Variants in NPLOC4 observed in about 807,000 individuals in gnomAD.
NPLOC4 encodes the protein nuclear protein localization protein 4 homolog.
A neutral mutation model predicts 80.6 loss-of-function variants in NPLOC4; 18 were observed. The observed-to-expected ratio is 0.22, with a 90% confidence interval of 0.15 to 0.33. The LOEUF (loss-of-function observed/expected upper bound fraction) is 0.33. NPLOC4 is among the 10% of genes least tolerant of loss of function. The probability of loss-of-function intolerance (pLI) is 1.00; values close to 1 mark genes in which losing one functional copy is unlikely to be tolerated. For synonymous variants in NPLOC4, 313 were observed against 301.5 expected, an observed-to-expected ratio of 1.04 and a Z score of -0.39; for missense variants, 540 against 786.1, an observed-to-expected ratio of 0.69 and a Z score of 3.74.
At chr17:81,600,458 T>C (rs766510328) in intron 8 of NPLOC4, 31 bp from the exon 9 acceptor site, 1 of 1,562,780 alleles carries the variant, frequency 6.4e-7, no homozygotes, top group Admixed American at 1.7e-5. Context: ...AAGATGGACT[T>C]AGAGCAGAGG....
At chr17:81,623,816 C>T (rs904587183) in intron 2 of NPLOC4, among the ~76,000 whole-genome samples, 1 of 151,626 alleles carries the variant, frequency 6.6e-6, no homozygotes, top group Non-Finnish European at 1.5e-5. Context: ...AAACAAAACT[C>T]AATTCCAATT....
chr17:81,624,199 T>C (rs2035739214), intron 2 of NPLOC4, among the ~76,000 whole-genome samples: 1 of 152,012 alleles, frequency 6.6e-6, no homozygotes, highest in Admixed American at 6.6e-5. Context: ...GGTGGGCGGA[T>C]CACGAGGTCA....
chr17:81,563,941 T>C (rs62073395), intron 16 of NPLOC4: 1 of 454,390 alleles, frequency 2.2e-6, no homozygotes, highest in Non-Finnish European at 4.4e-6. Flanking sequence ...CAACGCCAGG[T>C]GTGGTGGTAC....
intron 4 of NPLOC4, 70 bp from the exon 5 acceptor site, chr17:81,610,328 A>G (rs2035308782): frequency 3.6e-6 from 5 of 1,382,540 alleles, no homozygotes; most frequent in South Asian, 1.2e-5. Flanking sequence ...GCTGTCTCAC[A>G]TGCACGTCCT....
At position 81,558,169 on chromosome 17, in the gene NPLOC4, A is replaced by G. The variant is rs1403951204; in HGVS notation, c.*1090T>C. Reference sequence around the variant, plus strand: ...CACCACGTGCTGTTCCAGATCGCCCAGTCTCCCTCTATTGGTACACTATCA... The same window carrying G: ...CACCACGTGCTGTTCCAGATCGCCCGGTCTCCCTCTATTGGTACACTATCA... On this transcript the variant is annotated 3_prime_UTR_variant, in exon 17 of 17. Transcript: ENST00000331134. 6.6e-6 allele frequency: 1 copy of G among 152,448 alleles called. No individual in the cohort carries two copies. Among genetic ancestry groups the G allele is most frequent in the Non-Finnish European group, 1.5e-5 (1 of 68,194 alleles). 9.4% of individuals were successfully genotyped at this position (152,448 alleles called of 1,614,324 possible). A position where few individuals can be genotyped will look rare whatever the true frequency, so the allele number is the denominator to read the frequency against.
intron 4 of NPLOC4, chr17:81,612,809 A>G (rs1262078351): frequency 1.3e-5 from 2 of 152,642 alleles, no homozygotes; most frequent in Non-Finnish European, 2.9e-5. Context: ...ATCTTCTGCA[A>G]GTGAAATGCT....
chr17:81,587,956 T>G (rs566114500), intron 12 of NPLOC4: 2 of 152,312 alleles, frequency 1.3e-5, no homozygotes, highest in South Asian at 4.1e-4. Flanking sequence ...ATTACAGGCA[T>G]GAGCCGCCGC....
intron 1 of NPLOC4, among the ~76,000 whole-genome samples, chr17:81,634,217 T>A (rs571590876): frequency 4.6e-5 from 7 of 152,240 alleles, no homozygotes; most frequent in Non-Finnish European, 4.4e-5. Flanking sequence ...TCGGCCAGGC[T>A]GGTCTCAACT....
intron 3 of NPLOC4, among the ~76,000 whole-genome samples, chr17:81,615,359 C>T (rs564457127): frequency 4.5e-4 from 68 of 152,186 alleles, no homozygotes; most frequent in South Asian, 1.2e-3. Context: ...CTCGGCCTCC[C>T]AAAGTGCTAG....
chr17:81,618,162 G>A (rs907129542), intron 3 of NPLOC4, among the ~76,000 whole-genome samples: 1 of 151,048 alleles, frequency 6.6e-6, no homozygotes, highest in African/African-American at 2.4e-5. Context: ...TGCCCAGTCT[G>A]GAAAGTGAGG....
chr17:81,613,538 T>A, intron 3 of NPLOC4, 44 bp from the exon 4 acceptor site: 1 of 1,560,922 alleles, frequency 6.4e-7, no homozygotes, highest in Non-Finnish European at 8.7e-7. Flanking sequence ...CCTTACCACC[T>A]GAGCTTCATG....
intron 3 of NPLOC4, among the ~76,000 whole-genome samples, chr17:81,617,902 G>A (rs569192923): frequency 4.6e-4 from 70 of 152,320 alleles, no homozygotes; most frequent in African/African-American, 1.6e-3. Context: ...CAAGTGATCC[G>A]CCAGCCTCGG....
At position 81,567,440 on chromosome 17, in the gene NPLOC4, T is replaced by C. The variant is rs1426733116; in HGVS notation, c.1543A>G (p.Thr515Ala). 11 of 1,612,538 alleles carry C rather than the reference T, an allele frequency of 6.8e-6. No homozygotes were observed. Among genetic ancestry groups the C allele is most frequent in the East Asian group, 2.2e-5 (1 of 44,870 alleles). ...SDFHLLLFLV[T>A]NEVMPLQDSI... Reference sequence around the variant, plus strand: ...ACCTGCAGAGGCATAACTTCATTGGTGACCAGGAACAGCAAGAGGTGGAAA... The same window carrying C: ...ACCTGCAGAGGCATAACTTCATTGGCGACCAGGAACAGCAAGAGGTGGAAA... The change falls in exon 15 of 17, where the codon ACC becomes GCC. Residue 515 changes from threonine (T) to alanine (A), a missense_variant. By Grantham distance (58) the Thr-to-Ala change is moderately conservative (BLOSUM62 0). Transcript: ENST00000331134. The surrounding 1 kb of genome is among the most constrained non-coding windows in gnomAD (Gnocchi z 4.5).
chr17:81,596,043 A>C, intron 11 of NPLOC4, 73 bp downstream of exon 11: 2 of 1,475,122 alleles, frequency 1.4e-6, no homozygotes, highest in South Asian at 2.5e-5. Context: ...TAAGGATAAA[A>C]AGCTACCAAA....
intron 8 of NPLOC4, among the ~76,000 whole-genome samples, chr17:81,603,014 C>CACACACACACAT (rs386627318): frequency 5.7e-5 from 8 of 141,086 alleles, no homozygotes; most frequent in Middle Eastern, 3.7e-3. Flanking sequence ...CACACACACA[C>CACACACACACAT]ATATAAAAGT....
chr17:81,610,339 A>G (rs2035309044), intron 4 of NPLOC4, 81 bp from the exon 5 acceptor site: 5 of 1,275,046 alleles, frequency 3.9e-6, no homozygotes, highest in Non-Finnish European at 1.1e-6. Context: ...TGCACGTCCT[A>G]CTTTAACAGA....
intron 4 of NPLOC4, chr17:81,613,094 G>T (rs1598667678): frequency 2.3e-6 from 1 of 434,090 alleles, no homozygotes; most frequent in Non-Finnish European, 3.9e-6. Context: ...TTTTTTATGG[G>T]AACATATTTT....
chr17:81,633,266 A>G (rs1438704595), intron 1 of NPLOC4, among the ~76,000 whole-genome samples: 4 of 152,198 alleles, frequency 2.6e-5, no homozygotes, highest in African/African-American at 4.8e-5. Context: ...ATTTGTTTCT[A>G]AAATCTGTCT....
chr17:81,636,668 C>T (rs923117713), intron 1 of NPLOC4, among the ~76,000 whole-genome samples: 2 of 152,150 alleles, frequency 1.3e-5, no homozygotes, highest in Non-Finnish European at 2.9e-5. Flanking sequence ...CTTAGAAAGG[C>T]TCGGCCTTTC....
Sources: gnomAD v4.1 joint callset for allele counts (sites outside exome capture counted in the v4.1 genomes callset) on GRCh38, gnomAD v4.1.1 for gene constraint, Gnocchi (gnomAD v3.1) non-coding constraint, MANE v1.5 for transcripts, NCBI Gene and HGNC (gene_info 2026-07-23, HGNC 2026-07-21) for gene names.